WWOX: variants seen among roughly 807,000 people sequenced by gnomAD.
WWOX encodes the protein WW domain containing oxidoreductase.
In WWOX, 69 loss-of-function variants were observed where a neutral mutation model predicts 46.2. The ratio of observed to expected loss-of-function variants is 1.49; its 90% CI spans 1.23 to 1.82. The LOEUF (loss-of-function observed/expected upper bound fraction) is 1.82, where lower values mean the gene tolerates loss of function less well. WWOX is among the 40% of genes most tolerant of loss of function. The pLI is 0.00. For synonymous variants in WWOX, 359 were observed against 202.6 expected, an observed-to-expected ratio of 1.77 and a Z score of -6.56; for missense variants, 919 against 542.6, an observed-to-expected ratio of 1.69 and a Z score of -6.89.
At chr16:78,450,522 A>C (rs571961491) in intron 8 of WWOX, among the ~76,000 whole-genome samples, 5 of 152,370 alleles carry the variant, frequency 3.3e-5, no homozygotes, top group African/African-American at 9.6e-5. Context: ...GATCCAAAAA[A>C]AATACTGTGT....
At chr16:78,915,338 G>C (rs576750686) in intron 8 of WWOX, among the ~76,000 whole-genome samples, 1 of 152,198 alleles carries the variant, frequency 6.6e-6, no homozygotes, top group Admixed American at 6.5e-5. Context: ...AATGCTGTGT[G>C]TCTGCGATTC....
chr16:78,726,527 C>G (rs1025333201), intron 8 of WWOX, among the ~76,000 whole-genome samples: 3 of 152,156 alleles, frequency 2.0e-5, no homozygotes, highest in Non-Finnish European at 2.9e-5. Flanking sequence ...AACCACTGCA[C>G]CCAGCCTATC....
chr16:78,779,640 C>T (rs139239344), intron 8 of WWOX, among the ~76,000 whole-genome samples: 1 of 152,180 alleles, frequency 6.6e-6, no homozygotes, highest in Non-Finnish European at 1.5e-5. Flanking sequence ...CTCAGGGAAT[C>T]GTAGCAGAGG....
At chr16:78,180,762 C>G (rs551734447) in intron 5 of WWOX, among the ~76,000 whole-genome samples, 1 of 149,702 alleles carries the variant, frequency 6.7e-6, no homozygotes, top group African/African-American at 2.5e-5. Flanking sequence ...CAGCTGTACA[C>G]GAGAGTAGGG....
chr16:79,100,398 A>G (rs1347836975), intron 8 of WWOX, among the ~76,000 whole-genome samples: 1 of 152,190 alleles, frequency 6.6e-6, no homozygotes, highest in Non-Finnish European at 1.5e-5. Flanking sequence ...CCTGGGTTTA[A>G]GCCAATACGA....
intron 6 of WWOX, among the ~76,000 whole-genome samples, chr16:78,399,323 C>G (rs750040957): frequency 4.6e-5 from 7 of 152,178 alleles, no homozygotes; most frequent in Non-Finnish European, 8.8e-5. Context: ...CTTTGTAGAT[C>G]TTGGGAAACA....
intron 8 of WWOX, among the ~76,000 whole-genome samples, chr16:78,539,997 TTCTCTCTCTCTC>T (rs536466074): frequency 7.5e-6 from 1 of 133,022 alleles, no homozygotes; most frequent in Non-Finnish European, 1.6e-5. Context: ...CTCTCTCTCT[TTCTCTCTCTCTC>T]TCTCTCTCTC....
chr16:79,078,273 C>T (rs969720366), intron 8 of WWOX: 3 of 152,352 alleles, frequency 2.0e-5, no homozygotes, highest in South Asian at 4.1e-4. Flanking sequence ...GGTGACACAA[C>T]TCTTCCTTGA....
chr16:78,854,559 A>G (rs1423450196), intron 8 of WWOX, among the ~76,000 whole-genome samples: 2 of 152,156 alleles, frequency 1.3e-5, no homozygotes, highest in East Asian at 3.8e-4. Flanking sequence ...TTAACACCTA[A>G]CGATACCTGT....
At chr16:78,427,104 C>T (rs925666987) in intron 7 of WWOX, among the ~76,000 whole-genome samples, 1 of 152,182 alleles carries the variant, frequency 6.6e-6, no homozygotes, top group African/African-American at 2.4e-5. Context: ...GACAGTTGCT[C>T]ACTACCCAAG....
chr16:78,277,705 T>C (rs903042574), intron 5 of WWOX, among the ~76,000 whole-genome samples: 2 of 152,140 alleles, frequency 1.3e-5, no homozygotes, highest in South Asian at 2.1e-4. Flanking sequence ...GGCCGTTTCA[T>C]GTTTGCACGG....
chr16:78,253,233 T>A (rs1260215794), intron 5 of WWOX, among the ~76,000 whole-genome samples: 4 of 152,228 alleles, frequency 2.6e-5, no homozygotes, highest in Non-Finnish European at 5.9e-5. Context: ...TCTAAAGTTA[T>A]AAGTACTCTT....
At chr16:78,379,911 C>G (rs1346209168) in intron 5 of WWOX, among the ~76,000 whole-genome samples, 2 of 152,128 alleles carry the variant, frequency 1.3e-5, no homozygotes, top group Non-Finnish European at 2.9e-5. Context: ...GAGACGTTGC[C>G]TTTGAAGTGT....
intron 8 of WWOX, among the ~76,000 whole-genome samples, chr16:78,698,167 C>G (rs114237646): frequency 6.6e-6 from 1 of 152,126 alleles, no homozygotes; most frequent in African/African-American, 2.4e-5. Flanking sequence ...GGATGGTCCC[C>G]TTTGTCAAAG....
chr16:79,173,680 C>G (rs1200098061), intron 8 of WWOX, among the ~76,000 whole-genome samples: 1 of 149,920 alleles, frequency 6.7e-6, no homozygotes, highest in Admixed American at 6.7e-5. Context: ...TAGAATCAAC[C>G]TGAAGGTTCA....
intron 8 of WWOX, among the ~76,000 whole-genome samples, chr16:78,798,229 C>A (rs373878769): frequency 6.6e-6 from 1 of 152,106 alleles, no homozygotes; most frequent in South Asian, 2.1e-4. Flanking sequence ...ATTTTTAATC[C>A]AAACTGAAGT....
At chr16:79,181,517 G>T (rs981425728) in intron 8 of WWOX, among the ~76,000 whole-genome samples, 1 of 151,964 alleles carries the variant, frequency 6.6e-6, no homozygotes, top group African/African-American at 2.4e-5. Flanking sequence ...TTAACACTAT[G>T]CAGAACGATT....
chr16:79,058,065 C>G (rs965106517), intron 8 of WWOX, among the ~76,000 whole-genome samples: 2 of 149,008 alleles, frequency 1.3e-5, no homozygotes, highest in African/African-American at 5.0e-5. Context: ...TTCCTCCACA[C>G]TAATGTGTGA....
intron 8 of WWOX, among the ~76,000 whole-genome samples, chr16:79,156,311 C>G (rs1163950212): frequency 1.3e-5 from 2 of 152,180 alleles, no homozygotes; most frequent in Non-Finnish European, 2.9e-5. Flanking sequence ...CAGGTGCGCA[C>G]CAACACACTT....
Sources: gnomAD v4.1 joint callset for allele counts (sites outside exome capture counted in the v4.1 genomes callset) on GRCh38, gnomAD v4.1.1 for gene constraint, MANE v1.5 for transcripts, NCBI Gene and HGNC (gene_info 2026-07-23, HGNC 2026-07-21) for gene names.